The following RBFOX1 variants were observed in gnomAD, a reference collection of about 807,000 sequenced individuals.
The protein encoded by RBFOX1 is RNA binding fox-1 homolog 1.
In RBFOX1, 8 loss-of-function variants were observed where a neutral mutation model predicts 57.7. The ratio of observed to expected loss-of-function variants is 0.14; its 90% CI spans 0.08 to 0.25. The LOEUF (loss-of-function observed/expected upper bound fraction) is 0.25, where lower values mean the gene tolerates loss of function less well. Ranked by LOEUF, RBFOX1 falls within the 10% of genes least tolerant of loss-of-function variation. RBFOX1 has a pLI of 1.00. For missense variants in RBFOX1, 611 were observed against 548.5 expected (o/e 1.11, Z -1.14); for synonymous variants, 326 against 222.4 (o/e 1.47, Z -4.15).
intron 2 of RBFOX1, among the ~76,000 whole-genome samples, chr16:6,596,203 G>C (rs984626194): frequency 6.6e-6 from 1 of 150,518 alleles, no homozygotes; most frequent in Non-Finnish European, 1.5e-5. Context: ...AGGTCACAGA[G>C]ATTTACTCCT....
At position 5,732,008 on chromosome 16, in the gene RBFOX1, C is replaced by T. The variant is rs1031587075; in HGVS notation, c.318+133047C>T. On this transcript the variant is annotated intron_variant, in intron 3 of 19. Coordinates refer to the RBFOX1 transcript ENST00000641259. ...CACCCCATATCAGTGAGCTGGGCAT[C>T]CCCTTGCAAGACAGCCTCATTGCAG... 2.0e-5 allele frequency among the ~76,000 whole-genome samples: 3 copies of T among 152,288 alleles called. No individual in the cohort carries two copies. The East Asian group carries it at 5.8e-4, about 29-fold the overall frequency.
intron 5 of RBFOX1, among the ~76,000 whole-genome samples, chr16:7,519,316 C>G (rs943017934): frequency 6.6e-6 from 1 of 152,066 alleles, no homozygotes; most frequent in Non-Finnish European, 1.5e-5. Flanking sequence ...ATTTTTATTG[C>G]TGGACCAAAG....
intron 4 of RBFOX1, among the ~76,000 whole-genome samples, chr16:5,892,029 C>A (rs1156578623): frequency 6.6e-6 from 1 of 152,218 alleles, no homozygotes; most frequent in East Asian, 1.9e-4. Flanking sequence ...CTTACTGAAT[C>A]ATTTCACAAA....
Position 6,431,375 on chromosome 16 carries a change from A to G in RBFOX1, c.-64+114318A>G, listed in dbSNP as rs553011017. Among the ~76,000 whole-genome samples, 7 of 152,156 alleles carry G rather than the reference A, an allele frequency of 4.6e-5. No homozygotes were observed. The South Asian group carries it at 1.2e-3, about 27-fold the overall frequency. ...GAAATATGGAAAGAAAAGTCTTTCCACAAGCCCTGGAAGAGGGAGGGAAAA... is the reference window on the plus strand; with the variant it reads ...GAAATATGGAAAGAAAAGTCTTTCCGCAAGCCCTGGAAGAGGGAGGGAAAA... On this transcript the variant is annotated intron_variant, in intron 2 of 15. Coordinates refer to ENST00000550418, the MANE Select transcript of RBFOX1 (RefSeq NM_018723.4).
intron 2 of RBFOX1, among the ~76,000 whole-genome samples, chr16:5,501,542 G>A (rs182334550): frequency 1.3e-5 from 2 of 152,028 alleles, no homozygotes; most frequent in East Asian, 3.9e-4. Flanking sequence ...ATCCAAGGCT[G>A]GCTTTGGCTA....
In RBFOX1 at chr16:5,578,239, C is replaced by T. The variant is rs11859338; in HGVS notation, c.259-20663C>T. Among the ~76,000 whole-genome samples the T allele has an allele frequency of 5.6e-3, 860 of 152,262 alleles. 10 individuals carry two copies. Among genetic ancestry groups the T allele is most frequent in the African/African-American group, 0.019 (796 of 41,554 alleles). ...TGCTGGGATTACAGGCATGAGCTGCCGTGCCTGCCCTGGGGATTTGTGATG... is the reference window on the plus strand; with the variant it reads ...TGCTGGGATTACAGGCATGAGCTGCTGTGCCTGCCCTGGGGATTTGTGATG... On this transcript the variant is annotated intron_variant, in intron 2 of 2. Transcript: ENST00000585867.
At chr16:7,063,473 A>G (rs1020713935) in intron 4 of RBFOX1, among the ~76,000 whole-genome samples, 3 of 152,136 alleles carry the variant, frequency 2.0e-5, no homozygotes, top group Admixed American at 6.5e-5. Flanking sequence ...AACAAGTGCC[A>G]TTTCCTCAGC....
At chr16:6,698,942 G>A (rs1182977899) in intron 3 of RBFOX1, among the ~76,000 whole-genome samples, 1 of 152,110 alleles carries the variant, frequency 6.6e-6, no homozygotes, top group Non-Finnish European at 1.5e-5. Context: ...CATAGCGTAC[G>A]AAGACTCTAG....
chr16:5,876,981 G>T (rs1450593206), intron 4 of RBFOX1, among the ~76,000 whole-genome samples: 2 of 152,198 alleles, frequency 1.3e-5, no homozygotes, highest in African/African-American at 4.8e-5. Flanking sequence ...TTCAGAATCA[G>T]TCTAGAACGT....
chr16:6,676,656 CTTTTTGT>C (rs2057747895), intron 3 of RBFOX1, among the ~76,000 whole-genome samples: 1 of 142,766 alleles, frequency 7.0e-6, no homozygotes, highest in East Asian at 2.1e-4. Context: ...CTTTTTTTTT[CTTTTTGT>C]TTTTCTTTTC....
chr16:7,220,934 C>G (rs12447846), intron 4 of RBFOX1, among the ~76,000 whole-genome samples: 1 of 151,770 alleles, frequency 6.6e-6, no homozygotes, highest in Non-Finnish European at 1.5e-5. Flanking sequence ...ATTCTAAATG[C>G]ATTTGCATTT....
At chr16:7,627,425 C>T (rs11863213) in intron 10 of RBFOX1, among the ~76,000 whole-genome samples, 37,773 of 151,988 alleles carry the variant, frequency 0.25, 8,658 homozygotes, top group African/African-American at 0.61. Context: ...TTTGCCATCC[C>T]TAGATTATAA....
At chr16:6,014,980 C>G (rs773461786), upstream of RBFOX1, among the ~76,000 whole-genome samples, 4 of 151,916 alleles carry the variant, frequency 2.6e-5, no homozygotes. Flanking sequence ...CTCAGCCTCC[C>G]AAGTAGCTGA....
intron 1 of RBFOX1, among the ~76,000 whole-genome samples, chr16:5,281,686 T>C (rs2063274941): frequency 6.6e-6 from 1 of 152,228 alleles, no homozygotes; most frequent in South Asian, 2.1e-4. Flanking sequence ...AATGACCTTC[T>C]TTGTCCTTTT....
intron 3 of RBFOX1, among the ~76,000 whole-genome samples, 171 bp from the exon 4 acceptor site, chr16:7,051,886 G>A (rs973814403): frequency 6.6e-6 from 1 of 152,050 alleles, no homozygotes; most frequent in Admixed American, 6.6e-5. Context: ...TCACACAATT[G>A]AACTCCAAGT....
At chr16:6,009,978 T>C (rs2094951895) in intron 4 of RBFOX1, among the ~76,000 whole-genome samples, 1 of 152,132 alleles carries the variant, frequency 6.6e-6, no homozygotes, top group African/African-American at 2.4e-5. Context: ...CCACAGCACA[T>C]TTTGACATTC....
At chr16:6,687,885 A>G (rs180853729) in intron 3 of RBFOX1, among the ~76,000 whole-genome samples, 3 of 152,222 alleles carry the variant, frequency 2.0e-5, no homozygotes, top group African/African-American at 4.8e-5. Context: ...GAATGATGAC[A>G]CAGTGAATGC....
At chr16:6,968,648 C>T (rs75677469) in intron 3 of RBFOX1, among the ~76,000 whole-genome samples, 6 of 152,060 alleles carry the variant, frequency 3.9e-5, no homozygotes, top group African/African-American at 1.4e-4. Flanking sequence ...TGCCACCATC[C>T]CACAGGACTC....
At chr16:7,263,052 C>G (rs865781717) in intron 4 of RBFOX1, among the ~76,000 whole-genome samples, 2 of 152,166 alleles carry the variant, frequency 1.3e-5, no homozygotes, top group African/African-American at 2.4e-5. Context: ...CTGTTCTCTC[C>G]TCTAGTCTCT....
Sources: allele counts gnomAD v4.1 joint callset (sites outside exome capture counted in the v4.1 genomes callset), GRCh38; gene constraint gnomAD v4.1.1; transcripts MANE v1.5; gene names NCBI Gene and HGNC (gene_info 2026-07-23, HGNC 2026-07-21).